Variants in CAMK2B observed in about 807,000 individuals in gnomAD.
The protein encoded by CAMK2B is calcium/calmodulin-dependent protein kinase type II subunit beta.
In CAMK2B, 27 loss-of-function variants were observed where a neutral mutation model predicts 93.7. The ratio of observed to expected loss-of-function variants is 0.29; its 90% CI spans 0.21 to 0.40. CAMK2B has a LOEUF of 0.40. CAMK2B is among the 10% of genes least tolerant of loss of function. The pLI, the probability that CAMK2B is intolerant of heterozygous loss-of-function variation, is 1.00. For missense variants in CAMK2B, 568 were observed against 895.8 expected (o/e 0.63, Z 4.67); for synonymous variants, 374 against 358.8 (o/e 1.04, Z -0.48).
chr7:44,226,697 G>A, intron 19 of CAMK2B, 53 bp from the exon 20 acceptor site: 1 of 1,468,590 alleles, frequency 6.8e-7, no homozygotes, highest in Non-Finnish European at 9.0e-7. Flanking sequence ...GGGGCACGCA[G>A]GAGAGAAACC....
At chr7:44,238,991 T>G (rs914908103) in intron 13 of CAMK2B, among the ~76,000 whole-genome samples, 2 of 152,162 alleles carry the variant, frequency 1.3e-5, no homozygotes, top group Non-Finnish European at 2.9e-5. Context: ...CTCACAGGGT[T>G]TGAGGCCAGG....
At chr7:44,291,672 A>C (rs1423509927) in intron 1 of CAMK2B, among the ~76,000 whole-genome samples, 1 of 152,252 alleles carries the variant, frequency 6.6e-6, no homozygotes, top group Non-Finnish European at 1.5e-5. Flanking sequence ...TATAGGAAAG[A>C]ACATTCCCTC....
intron 1 of CAMK2B, among the ~76,000 whole-genome samples, chr7:44,318,469 C>T (rs1025916039): frequency 7.2e-5 from 11 of 152,212 alleles, no homozygotes; most frequent in African/African-American, 2.4e-4. Context: ...TGTGGAGCAC[C>T]TACTGTGTGC....
Position 44,228,916 on chromosome 7 carries a change from T to A in CAMK2B, c.1348A>T (p.Ile450Phe). The A allele has an allele frequency of 6.2e-7, 1 of 1,603,354 alleles. No individual in the cohort carries two copies. Among genetic ancestry groups the A allele is most frequent in the Non-Finnish European group, 8.5e-7 (1 of 1,174,250 alleles). Residue 450 changes from isoleucine to phenylalanine, a missense_variant, in exon 19 of 24, where the codon ATC becomes TTC. Ile to Phe is a conservative substitution (Grantham distance 21, BLOSUM62 0). This residue lies in a region of CAMK2B where 308 missense variants were observed against 292.1 expected (regional missense o/e 1.05). Transcript: ENST00000395749. Reference protein sequence around the residue: ...FSPLPAPSPRISDILNSVRRG... With the variant: ...FSPLPAPSPRFSDILNSVRRG... The stretch of plus-strand genomic sequence containing the variant: ...CTCACAGAGTTCAGGATGTCAGAGA[T>A]CCTGGGGGCTGGGGTGGAACAGATG...
At chr7:44,236,251 C>T (rs189650992) in intron 13 of CAMK2B, among the ~76,000 whole-genome samples, 35 of 152,354 alleles carry the variant, frequency 2.3e-4, no homozygotes, top group African/African-American at 7.9e-4. Flanking sequence ...TGGCTCTGGC[C>T]CCTCCTGGGC....
chr7:44,295,599 C>T (rs1418683734), intron 1 of CAMK2B, among the ~76,000 whole-genome samples: 2 of 152,244 alleles, frequency 1.3e-5, no homozygotes, highest in African/African-American at 4.8e-5. Context: ...CGTGCACCCA[C>T]ACTTTTGTAA....
At chr7:44,273,796 T>C (rs1382714233) in intron 2 of CAMK2B, among the ~76,000 whole-genome samples, 1 of 152,218 alleles carries the variant, frequency 6.6e-6, no homozygotes, top group Non-Finnish European at 1.5e-5. Context: ...ATGTCCTTTT[T>C]GTCCTTTTCA....
intron 2 of CAMK2B, chr7:44,268,105 C>A (rs1008661849): frequency 1.4e-4 from 21 of 152,422 alleles, no homozygotes; most frequent in African/African-American, 5.1e-4. Context: ...GAGCCCTGCA[C>A]AGCCACGCTG....
chr7:44,267,342 T>G (rs953240822), intron 2 of CAMK2B, among the ~76,000 whole-genome samples: 3 of 152,224 alleles, frequency 2.0e-5, no homozygotes, highest in Non-Finnish European at 4.4e-5. Context: ...GCCCTGATTC[T>G]GCCTGTGGAG....
intron 2 of CAMK2B, among the ~76,000 whole-genome samples, chr7:44,282,909 G>T (rs1390938786): frequency 6.6e-6 from 1 of 152,246 alleles, no homozygotes; most frequent in Non-Finnish European, 1.5e-5. Flanking sequence ...ATTTGTGCCT[G>T]GATGCTAATC....
At position 44,225,897 on chromosome 7, in the gene CAMK2B, AG is replaced by A; in HGVS notation, c.1597+618del. On this transcript the variant is annotated intron_variant, in intron 20 of 23. Transcript: ENST00000395749. The surrounding 1 kb of genome is among the most constrained non-coding windows in gnomAD (Gnocchi z 5.0). ...CCCTGGGATGTCATCCATCCCTGTAAGTGATACTGCGGGTAGTCGGCAGACA... is the reference window on the plus strand; with the variant it reads ...CCCTGGGATGTCATCCATCCCTGTAATGATACTGCGGGTAGTCGGCAGACA... 9.3e-6 allele frequency: 12 copies of A among 1,288,164 alleles called. No individual in the cohort carries two copies. Among genetic ancestry groups the A allele is most frequent in the Non-Finnish European group, 1.2e-5 (12 of 987,894 alleles). The allele number at this position is 1,288,164 out of a possible 1,614,324, so 79.8% of individuals were successfully genotyped here.
chr7:44,274,834 A>G (rs1584482908), intron 2 of CAMK2B, among the ~76,000 whole-genome samples: 1 of 152,118 alleles, frequency 6.6e-6, no homozygotes, highest in Admixed American at 6.5e-5. Context: ...GGGTTCAGCC[A>G]TCTCCCCAAT....
intron 1 of CAMK2B, among the ~76,000 whole-genome samples, chr7:44,295,868 C>T (rs1313544948): frequency 3.9e-5 from 6 of 152,032 alleles, no homozygotes; most frequent in Non-Finnish European, 5.9e-5. Flanking sequence ...AGTACATAAG[C>T]GGATGGAAGA....
intron 1 of CAMK2B, among the ~76,000 whole-genome samples, chr7:44,296,664 G>C (rs571589580): frequency 6.6e-6 from 1 of 152,030 alleles, no homozygotes; most frequent in Non-Finnish European, 1.5e-5. Flanking sequence ...AAATCAAAGA[G>C]AAAATCTTGA....
chr7:44,225,004 C>T lies in CAMK2B; in HGVS notation c.1597+1512G>A, dbSNP rs575103167. Among the ~76,000 whole-genome samples the T allele has an allele frequency of 3.9e-5, 6 of 152,078 alleles. No individual in the cohort carries two copies. The highest frequency in any genetic ancestry group is 7.2e-5 in the African/African-American group (3 of 41,408). On this transcript the variant is annotated intron_variant, in intron 20 of 23. Transcript: ENST00000395749. This position sits in a 1 kb window ranked among gnomAD's most constrained non-coding sequence, Gnocchi z 5.0. Reference sequence around the variant, plus strand: ...GAGGGCCACACGAATCTCCATCCTGCCCTGCTCACAGCTCCTTCCTGCAGC... The same window carrying T: ...GAGGGCCACACGAATCTCCATCCTGTCCTGCTCACAGCTCCTTCCTGCAGC...
At chr7:44,253,011 T>C (rs1245199771) in intron 5 of CAMK2B, among the ~76,000 whole-genome samples, 3 of 152,066 alleles carry the variant, frequency 2.0e-5, no homozygotes, top group African/African-American at 7.2e-5. Flanking sequence ...TTTGTCCCTC[T>C]CCCTGCCCAG....
At chr7:44,320,200 C>G (rs1013110643) in intron 1 of CAMK2B, among the ~76,000 whole-genome samples, 6 of 152,018 alleles carry the variant, frequency 3.9e-5, no homozygotes, top group African/African-American at 1.5e-4. Context: ...TCTTTGATGA[C>G]GAAACGAAGT....
In CAMK2B at chr7:44,254,605, A is replaced by T; in HGVS notation, c.278T>A (p.Val93Asp). 6.2e-7 allele frequency: 1 copy of T among 1,609,650 alleles called. No individual in the cohort carries two copies. The highest frequency in any genetic ancestry group is 8.5e-7 in the Non-Finnish European group (1 of 1,177,854). ...GTCTTCAAAGAGCTCCCCACCAGTGACCCTATGGGAGAAGCATGAAGGGGT... is the reference window on the plus strand; with the variant it reads ...GTCTTCAAAGAGCTCCCCACCAGTGTCCCTATGGGAGAAGCATGAAGGGGT... The part of the protein sequence containing the change: ...EGFHYLVFDL[V>D]TGGELFEDIV... The change falls in exon 5 of 24, where the codon GTC becomes GAC. Residue 93 changes from valine to aspartate, a missense_variant and splice_region_variant. Coordinates refer to ENST00000395749, the MANE Select transcript of CAMK2B (RefSeq NM_001220.5).
At chr7:44,316,952 C>T (rs1002432481) in intron 1 of CAMK2B, among the ~76,000 whole-genome samples, 5 of 152,102 alleles carry the variant, frequency 3.3e-5, no homozygotes, top group Non-Finnish European at 7.4e-5. Flanking sequence ...AACTAGCACT[C>T]CTGAGTCTTC....
Sources: gnomAD v4.1 joint callset for allele counts (sites outside exome capture counted in the v4.1 genomes callset) on GRCh38, gnomAD v4.1.1 for gene constraint, gnomAD v4.1.1 regional missense constraint, Gnocchi (gnomAD v3.1) non-coding constraint, MANE v1.5 for transcripts, NCBI Gene and HGNC (gene_info 2026-07-23, HGNC 2026-07-21) for gene names.